Variants in P2RX7 observed in about 807,000 individuals in gnomAD.
The protein encoded by P2RX7 is purinergic receptor P2X 7.
A neutral mutation model predicts 71.6 loss-of-function variants in P2RX7; 62 were observed. That is an observed-to-expected ratio of 0.87 (90% confidence interval 0.71 to 1.07). The LOEUF (loss-of-function observed/expected upper bound fraction) is 1.07, where lower values mean the gene tolerates loss of function less well. Among genes scored for constraint, P2RX7 ranks in the 50% least tolerant of loss-of-function variants. The probability of loss-of-function intolerance (pLI) is 0.00; values close to 1 mark genes in which losing one functional copy is unlikely to be tolerated. For synonymous variants in P2RX7, 299 were observed against 283.3 expected (o/e 1.06, Z -0.56); for missense variants, 686 against 748.5 (o/e 0.92, Z 0.97).
At position 121,181,354 on chromosome 12, in the gene P2RX7, G is replaced by T. The variant is rs538611674; in HGVS notation, c.1290+899G>T. Among the ~76,000 whole-genome samples, 15 of 152,240 alleles carry T rather than the reference G, an allele frequency of 9.9e-5. No individual in the cohort carries two copies. In the South Asian group the frequency reaches 1.9e-3, roughly 19 times the overall value. ...CCAGTTTGGGGCTAATGCCAATAAC[G>T]CTGCTATGCTCAACATATGGCACTC... is the stretch of plus-strand genomic sequence containing the variant. On this transcript the variant is annotated intron_variant, in intron 12 of 12. Transcript: ENST00000328963.
intron 1 of P2RX7, among the ~76,000 whole-genome samples, chr12:121,138,073 C>CT (rs751361290): frequency 1.3e-5 from 2 of 152,048 alleles, no homozygotes; most frequent in South Asian, 2.1e-4. Flanking sequence ...CTAAGCAGGT[C>CT]TGTGTCAGCC....
intron 8 of P2RX7, among the ~76,000 whole-genome samples, chr12:121,171,119 C>A (rs1882095817): frequency 6.6e-6 from 1 of 152,130 alleles, no homozygotes; most frequent in Admixed American, 6.5e-5. Context: ...TGACTAATTG[C>A]CACAAATGTG....
At chr12:121,163,601 A>C (rs1035660974) in intron 5 of P2RX7, among the ~76,000 whole-genome samples, 3 of 1,460 alleles carry the variant, frequency 2.1e-3, no homozygotes, top group Non-Finnish European at 4.9e-3. Flanking sequence ...AGACAGGTAG[A>C]TAGATAGATA....
chr12:121,151,349 G>C (rs959130282), intron 1 of P2RX7, among the ~76,000 whole-genome samples: 2 of 151,266 alleles, frequency 1.3e-5, no homozygotes, highest in African/African-American at 4.9e-5. Flanking sequence ...CAGGGTTCCT[G>C]CCTCAGCCTC....
rs187011593 is a variant in P2RX7 at position 121,160,016 on chromosome 12, C to T, written c.364-886C>T. 2.7e-3 allele frequency among the ~76,000 whole-genome samples: 404 copies of T among 152,332 alleles called. 2 individuals are homozygous for T. The highest frequency in any genetic ancestry group is 2.7e-3 in the Non-Finnish European group (185 of 68,030). Reference sequence around the variant, plus strand: ...ACCCCACCATTTTAAAGTGTACATACGGTTCAGTGGTTTTTAGTATAATCA... The same window carrying T: ...ACCCCACCATTTTAAAGTGTACATATGGTTCAGTGGTTTTTAGTATAATCA... On this transcript the variant is annotated intron_variant, in intron 3 of 12. Coordinates refer to ENST00000328963, the MANE Select transcript of P2RX7 (RefSeq NM_002562.6).
At chr12:121,133,158 G>A (rs537649680) in intron 1 of P2RX7, 63 bp downstream of exon 1, 136 of 1,590,408 alleles carry the variant, frequency 8.6e-5, no homozygotes, top group Admixed American at 1.8e-4. Context: ...AAGCCCCAGC[G>A]GGCAGCTTCA....
chr12:121,168,633 G>T (rs1405618550), intron 8 of P2RX7, among the ~76,000 whole-genome samples: 4 of 152,104 alleles, frequency 2.6e-5, no homozygotes, highest in South Asian at 2.1e-4. Flanking sequence ...AACAACCCTG[G>T]AAGGAAGATA....
intron 1 of P2RX7, among the ~76,000 whole-genome samples, chr12:121,145,767 A>G (rs1174046600): frequency 1.3e-5 from 2 of 151,954 alleles, no homozygotes; most frequent in Non-Finnish European, 2.9e-5. Context: ...CAGCCTCCCA[A>G]AGTGCTGGGA....
In P2RX7 at chr12:121,167,535, T is replaced by C. The variant is rs372621688; in HGVS notation, c.792T>C (p.Arg264=). The C allele has an allele frequency of 1.9e-6, 3 of 1,613,772 alleles. No homozygotes were observed. The highest frequency in any genetic ancestry group is 2.7e-5 in the African/African-American group (2 of 74,890). ...IEIYWDCNLD[R]WFHHCRPKYS... ...TCTACTGGGACTGCAACCTAGACCGTTGGTTCCATCACTGCCGTCCCAAAT... is the reference window on the plus strand; with the variant it reads ...TCTACTGGGACTGCAACCTAGACCGCTGGTTCCATCACTGCCGTCCCAAAT... The change falls in exon 8 of 13, where the codon CGT becomes CGC. Residue 264 remains arginine, a synonymous_variant. Coordinates refer to ENST00000328963, the MANE Select transcript of P2RX7 (RefSeq NM_002562.6).
Position 121,162,350 on chromosome 12 carries a change from G to A in P2RX7, c.437-74G>A, listed in dbSNP as rs990404217. 15 of 1,580,714 alleles carry A rather than the reference G, an allele frequency of 9.5e-6. No individual in the cohort carries two copies. The African/African-American group carries it at 1.6e-4, about 17-fold the overall frequency. ...AGTCTCTCGCCCGGGTTGAGTTAAT[G>A]ATGTCCCTCCTGGAGAACGTCCTCT... On this transcript the variant is annotated intron_variant, in intron 4 of 12. Transcript: ENST00000328963.
chr12:121,184,972 C>G lies in P2RX7; in HGVS notation c.*170C>G, dbSNP rs1179607805. 4 of 584,036 alleles carry G rather than the reference C, an allele frequency of 6.8e-6. No homozygotes were observed. In the African/African-American group the frequency reaches 7.5e-5, roughly 11 times the overall value. 36.2% of individuals were successfully genotyped at this position (584,036 alleles called of 1,614,324 possible). A position where few individuals can be genotyped will look rare whatever the true frequency, so the allele number is the denominator to read the frequency against. On this transcript the variant is annotated 3_prime_UTR_variant, in exon 13 of 13. Transcript: ENST00000328963. ...TGGTGGCATGCACCTGCAATCCCAG[C>G]TACTCGGGAGGCTGAGGCACAAGAA...
intron 7 of P2RX7, 107 bp from the exon 8 acceptor site, chr12:121,167,381 T>C (rs1052771435): frequency 7.5e-7 from 1 of 1,331,132 alleles, no homozygotes; most frequent in Non-Finnish European, 1.1e-6. Context: ...TCAATCAGCA[T>C]TTTTCCTCTA....
chr12:121,184,156 A>G, intron 12 of P2RX7, 149 bp from the exon 13 acceptor site: 1 of 850,686 alleles, frequency 1.2e-6, no homozygotes, highest in Non-Finnish European at 1.7e-6. Flanking sequence ...CTTACAGAAC[A>G]CATGCATGGT....
intron 12 of P2RX7, among the ~76,000 whole-genome samples, chr12:121,183,656 A>T (rs1456968589): frequency 6.6e-6 from 1 of 152,176 alleles, no homozygotes; most frequent in Non-Finnish European, 1.5e-5. Flanking sequence ...AGAATGTGGA[A>T]TACCACAGTG....
chr12:121,156,627 C>T (rs1469581993), intron 3 of P2RX7, among the ~76,000 whole-genome samples: 1 of 152,212 alleles, frequency 6.6e-6, no homozygotes, highest in Non-Finnish European at 1.5e-5. Context: ...TCCTCACTCA[C>T]AGCTTCTCCT....
Position 121,184,676 on chromosome 12 carries a change from C to T in P2RX7, c.1662C>T (p.Ala554=), listed in dbSNP as rs200637151. 5 of 1,585,102 alleles carry T rather than the reference C, an allele frequency of 3.2e-6. No homozygotes were observed. In the African/African-American group the frequency reaches 4.1e-5, roughly 13 times the overall value. Residue 554 remains alanine (A), a synonymous_variant, in exon 13 of 13, where the codon GCC becomes GCT. Coordinates refer to ENST00000328963, the MANE Select transcript of P2RX7 (RefSeq NM_002562.6). ...RLRHCAYRCY[A]TWRFGSQDMA... is the part of the protein sequence containing the mutation. ...GGCACTGTGCCTACAGGTGCTACGCCACCTGGCGCTTCGGCTCCCAGGACA... is the reference window on the plus strand; with the variant it reads ...GGCACTGTGCCTACAGGTGCTACGCTACCTGGCGCTTCGGCTCCCAGGACA...
At position 121,149,828 on chromosome 12, in the gene P2RX7, A is replaced by T. The variant is rs1047476779; in HGVS notation, c.126-4957A>T. Among the ~76,000 whole-genome samples the T allele has an allele frequency of 6.6e-6, 1 of 152,004 alleles. No individual in the cohort carries two copies. The highest frequency in any genetic ancestry group is 2.4e-5 in the African/African-American group (1 of 41,378). On this transcript the variant is annotated intron_variant, in intron 1 of 12. Transcript: ENST00000328963. This position sits in a 1 kb window ranked among gnomAD's most constrained non-coding sequence, Gnocchi z 4.7. ...CAAGGGATCCTCCTACCTCGGTCTA[A>T]CAAGTAGCTGCGAATATAGGTGCAC...
chr12:121,132,938 G>C lies in P2RX7; in HGVS notation c.-33G>C. The C allele has an allele frequency of 4.3e-6, 7 of 1,612,390 alleles. No homozygotes were observed. Among genetic ancestry groups the C allele is most frequent in the Non-Finnish European group, 5.9e-6 (7 of 1,179,900 alleles). On this transcript the variant is annotated 5_prime_UTR_variant, in exon 1 of 13. Coordinates refer to ENST00000328963, the MANE Select transcript of P2RX7 (RefSeq NM_002562.6). Reference sequence around the variant, plus strand: ...CCCTGTCAGGAAGAGTAGAGCTCTGGTCCAGCTCCGCGCAGGGAGGGAGGC... The same window carrying C: ...CCCTGTCAGGAAGAGTAGAGCTCTGCTCCAGCTCCGCGCAGGGAGGGAGGC...
intron 8 of P2RX7, among the ~76,000 whole-genome samples, chr12:121,174,048 C>CTTTT (rs141344773): frequency 5.4e-4 from 40 of 73,860 alleles, no homozygotes; most frequent in South Asian, 8.1e-4. Context: ...CTTTTCTTTT[C>CTTTT]TTTTTTTTTT....
Sources: allele counts gnomAD v4.1 joint callset (sites outside exome capture counted in the v4.1 genomes callset), GRCh38; gene constraint gnomAD v4.1.1; non-coding constraint Gnocchi (gnomAD v3.1); transcripts MANE v1.5; gene names NCBI Gene and HGNC (gene_info 2026-07-23, HGNC 2026-07-21).